LRRC52: variants seen among roughly 807,000 people sequenced by gnomAD.
The protein encoded by LRRC52 is leucine-rich repeat-containing protein 52.
Under a neutral mutation model 14.7 loss-of-function variants are expected in LRRC52, and 15 were observed. The observed-to-expected ratio is 1.02, with a 90% CI of 0.68 to 1.58. LRRC52 has a LOEUF of 1.58. LRRC52 is among the 40% of genes most tolerant of loss of function. LRRC52 has a pLI of 0.00. For missense variants in LRRC52, 400 were observed against 387.7 expected (o/e 1.03, Z -0.27); for synonymous variants, 180 against 163.9 (o/e 1.10, Z -0.75).
At chr1:165,548,145 CAG>C (rs146753173) in intron 1 of LRRC52, among the ~76,000 whole-genome samples, 5,038 of 152,168 alleles carry the variant, frequency 0.033, 296 homozygotes, top group African/African-American at 0.12. Context: ...GTTTATAAAA[CAG>C]AATCCATTTC....
Position 165,544,092 on chromosome 1 carries a change from G to T in LRRC52, c.-205G>T. 1.6e-6 allele frequency: 1 copy of T among 636,352 alleles called. No individual in the cohort carries two copies. Among genetic ancestry groups the T allele is most frequent in the Non-Finnish European group, 2.7e-6 (1 of 374,380 alleles). 39.4% of individuals were successfully genotyped at this position (636,352 alleles called of 1,614,324 possible). On this transcript the variant is annotated 5_prime_UTR_variant, in exon 1 of 2. Coordinates refer to ENST00000294818, the MANE Select transcript of LRRC52 (RefSeq NM_001005214.4). ...CAGCAGTCTGGGAGCGAGCGACAGAGCCACCAAGCTGGGCGGCAGGGCATT... is the reference window on the plus strand; with the variant it reads ...CAGCAGTCTGGGAGCGAGCGACAGATCCACCAAGCTGGGCGGCAGGGCATT...
At chr1:165,545,865 G>A (rs1408487223) in intron 1 of LRRC52, among the ~76,000 whole-genome samples, 5 of 152,078 alleles carry the variant, frequency 3.3e-5, no homozygotes, top group Admixed American at 1.3e-4. Flanking sequence ...GATGTAATCC[G>A]GCAAAATTGG....
At chr1:165,558,347 G>C (rs28361271) in intron 1 of LRRC52, among the ~76,000 whole-genome samples, 6,321 of 152,290 alleles carry the variant, frequency 0.042, 425 homozygotes, top group African/African-American at 0.14. Context: ...ATTAATGGAA[G>C]CTCCTGGAGT....
intron 1 of LRRC52, among the ~76,000 whole-genome samples, chr1:165,555,396 GT>G (rs1181489964): frequency 1.3e-4 from 20 of 152,294 alleles, no homozygotes; most frequent in African/African-American, 4.8e-4. Context: ...CTGGAGCAGA[GT>G]GAAGGAAAAG....
intron 1 of LRRC52, among the ~76,000 whole-genome samples, chr1:165,551,911 A>G (rs1426693179): frequency 6.6e-6 from 1 of 151,318 alleles, no homozygotes; most frequent in African/African-American, 2.4e-5. Flanking sequence ...TCCTCACGTT[A>G]TTCCACTATC....
At position 165,544,237 on chromosome 1, in the gene LRRC52, TTC is replaced by T. The variant is rs367889062; in HGVS notation, c.-59_-58del. 373 of 861,670 alleles carry T rather than the reference TTC, an allele frequency of 4.3e-4. 1 individual carries two copies. The African/African-American group carries it at 6.3e-3, about 15-fold the overall frequency. 53.4% of individuals were successfully genotyped at this position (861,670 alleles called of 1,614,324 possible). A position where few individuals can be genotyped will look rare whatever the true frequency, so the allele number is the denominator to read the frequency against. ...CCGCCCCACCCCCCCACCGGCAGCCTTCGGATCAGAGGACAGAGCCCGCAGGA... is the reference window on the plus strand; with the variant it reads ...CCGCCCCACCCCCCCACCGGCAGCCTGGATCAGAGGACAGAGCCCGCAGGA... On this transcript the variant is annotated 5_prime_UTR_variant, in exon 1 of 2. Transcript: ENST00000294818.
intron 1 of LRRC52, among the ~76,000 whole-genome samples, chr1:165,556,678 T>C (rs1661241422): frequency 6.6e-6 from 1 of 152,230 alleles, no homozygotes; most frequent in Non-Finnish European, 1.5e-5. Context: ...CAGGTTGTAG[T>C]TTGCTGACCC....
At chr1:165,545,259 A>G (rs768868152) in intron 1 of LRRC52, among the ~76,000 whole-genome samples, 1 of 152,186 alleles carries the variant, frequency 6.6e-6, no homozygotes, top group Non-Finnish European at 1.5e-5. Flanking sequence ...TGATGTGTGT[A>G]GAAATGATGA....
chr1:165,559,595 C>A (rs1004688806), intron 1 of LRRC52, among the ~76,000 whole-genome samples: 1 of 152,134 alleles, frequency 6.6e-6, no homozygotes, highest in Non-Finnish European at 1.5e-5. Flanking sequence ...ATGCATAGAA[C>A]AATGTACTCA....
intron 1 of LRRC52, among the ~76,000 whole-genome samples, chr1:165,549,312 T>C (rs966080146): frequency 6.6e-6 from 1 of 152,198 alleles, no homozygotes; most frequent in Non-Finnish European, 1.5e-5. Context: ...GGTGTGGATG[T>C]GTAGACTACA....
In LRRC52 at chr1:165,563,586, T is replaced by C; in HGVS notation, c.704T>C (p.Met235Thr). 6.2e-7 allele frequency: 1 copy of C among 1,614,240 alleles called. No homozygotes were observed. The highest frequency in any genetic ancestry group is 1.1e-5 in the South Asian group (1 of 91,082). Residue 235 changes from methionine (M) to threonine (T), a missense_variant, in exon 2 of 2, where the codon ATG becomes ACG. Coordinates refer to ENST00000294818, the MANE Select transcript of LRRC52 (RefSeq NM_001005214.4). ...ITRVGNPLRY[M>T]CITHLDHKDY... ...CGGGTGGGGAACCCACTCCGATACA[T>C]GTGCATCACGCACCTGGACCACAAA... is the stretch of plus-strand genomic sequence containing the variant.
At chr1:165,551,733 CA>C (rs1329911358) in intron 1 of LRRC52, among the ~76,000 whole-genome samples, 1 of 152,058 alleles carries the variant, frequency 6.6e-6, no homozygotes, top group Non-Finnish European at 1.5e-5. Flanking sequence ...GCTTCAGGTC[CA>C]AGTCATTTTG....
At chr1:165,551,305 G>A (rs1010861821) in intron 1 of LRRC52, among the ~76,000 whole-genome samples, 1 of 152,168 alleles carries the variant, frequency 6.6e-6, no homozygotes, top group Non-Finnish European at 1.5e-5. Flanking sequence ...TATGCCCTGA[G>A]GTTCTGATTC....
chr1:165,545,154 C>G (rs1300658500), intron 1 of LRRC52, among the ~76,000 whole-genome samples: 1 of 152,148 alleles, frequency 6.6e-6, no homozygotes, highest in African/African-American at 2.4e-5. Context: ...AGTTGGCTAC[C>G]CTTGAAAATG....
At chr1:165,551,126 A>T (rs1661122279) in intron 1 of LRRC52, among the ~76,000 whole-genome samples, 1 of 152,146 alleles carries the variant, frequency 6.6e-6, no homozygotes, top group African/African-American at 2.4e-5. Context: ...CATTTAAGAA[A>T]CAGATGCCTC....
chr1:165,549,905 C>T (rs988941102), intron 1 of LRRC52, among the ~76,000 whole-genome samples: 13 of 152,210 alleles, frequency 8.5e-5, no homozygotes, highest in Non-Finnish European at 1.8e-4. Context: ...CAATGGCATA[C>T]TCACCAGATG....
chr1:165,553,886 T>C, intron 1 of LRRC52, among the ~76,000 whole-genome samples: 1 of 152,204 alleles, frequency 6.6e-6, no homozygotes, highest in East Asian at 1.9e-4. Context: ...CACATTTTCA[T>C]GTAATGTTTT....
intron 1 of LRRC52, among the ~76,000 whole-genome samples, chr1:165,547,648 G>C (rs543390962): frequency 6.6e-6 from 1 of 152,224 alleles, no homozygotes; most frequent in South Asian, 2.1e-4. Flanking sequence ...ACAAAGGTTT[G>C]TATATACCAT....
intron 1 of LRRC52, among the ~76,000 whole-genome samples, chr1:165,548,768 A>G (rs1661073732): frequency 6.6e-6 from 1 of 152,216 alleles, no homozygotes; most frequent in East Asian, 1.9e-4. Flanking sequence ...AAATGAGAAC[A>G]TTTATGAAGT....
Sources: allele counts gnomAD v4.1 joint callset (sites outside exome capture counted in the v4.1 genomes callset), GRCh38; gene constraint gnomAD v4.1.1; transcripts MANE v1.5; gene names NCBI Gene and HGNC (gene_info 2026-07-23, HGNC 2026-07-21).